IQCM: variants seen among roughly 807,000 people sequenced by gnomAD.
IQCM encodes IQ motif containing M, also known as IQ domain-containing protein M.
Under a neutral mutation model 57.6 loss-of-function variants are expected in IQCM, and 45 were observed. That is an observed-to-expected ratio of 0.78 (90% CI 0.62 to 1.00). IQCM has a LOEUF of 1.00. IQCM is among the 50% of genes least tolerant of loss of function. The pLI, the probability that IQCM is intolerant of heterozygous loss-of-function variation, is 0.00. For synonymous variants in IQCM, 148 were observed against 158.9 expected (o/e 0.93, Z 0.51); for missense variants, 468 against 511.6 (o/e 0.91, Z 0.82).
intron 5 of IQCM, among the ~76,000 whole-genome samples, chr4:149,732,394 C>T (rs1268777103): frequency 2.0e-5 from 3 of 152,164 alleles, no homozygotes; most frequent in African/African-American, 7.2e-5. Context: ...GATAAATTTT[C>T]AGGAGAAATC....
rs908637894 is a variant in IQCM, at chr4:149,515,581, G to C, written c.1228+32874C>G. 7.2e-5 allele frequency among the ~76,000 whole-genome samples: 11 copies of C among 152,184 alleles called. 1 individual carries two copies. Among genetic ancestry groups the C allele is most frequent in the Admixed American group, 7.2e-4 (11 of 15,290 alleles). On this transcript the variant is annotated intron_variant, in intron 12 of 13. Coordinates refer to ENST00000636793, the MANE Select transcript of IQCM (RefSeq NM_001363507.2). ...CACAGATGGTTCTGCACGATATGCA[G>C]GTACCACCTGAAAGTGGACAGGTGC...
intron 12 of IQCM, among the ~76,000 whole-genome samples, chr4:149,520,217 C>A (rs891715773): frequency 2.1e-5 from 3 of 143,256 alleles, no homozygotes; most frequent in Non-Finnish European, 3.0e-5. Context: ...AAGGTGGGCA[C>A]CATTTTTTTT....
chr4:149,519,495 G>A (rs569031069), intron 12 of IQCM, among the ~76,000 whole-genome samples: 313 of 151,978 alleles, frequency 2.1e-3, no homozygotes, highest in African/African-American at 7.0e-3. Context: ...GGTGGCGGGC[G>A]CCTGTAGTCC....
intron 12 of IQCM, among the ~76,000 whole-genome samples, chr4:149,506,758 G>T (rs891294643): frequency 5.3e-5 from 8 of 152,274 alleles, no homozygotes; most frequent in Non-Finnish European, 1.2e-4. Flanking sequence ...AGACAGCATA[G>T]AGGAACCAAG....
chr4:149,805,608 T>C (rs1193084484), intron 2 of IQCM, among the ~76,000 whole-genome samples: 1 of 152,076 alleles, frequency 6.6e-6, no homozygotes, highest in African/African-American at 2.4e-5. Context: ...AACAACTTTG[T>C]ATATTTTTAA....
intron 12 of IQCM, among the ~76,000 whole-genome samples, chr4:149,528,574 T>C (rs751760482): frequency 6.6e-6 from 1 of 152,146 alleles, no homozygotes; most frequent in Non-Finnish European, 1.5e-5. Context: ...AAGTGGCTCA[T>C]GGGAGAATCA....
intron 13 of IQCM, among the ~76,000 whole-genome samples, chr4:149,373,947 A>G (rs1156888554): frequency 6.6e-6 from 1 of 152,144 alleles, no homozygotes; most frequent in Non-Finnish European, 1.5e-5. Context: ...CTTTTCTTTT[A>G]GTTCTTCTTG....
intron 12 of IQCM, among the ~76,000 whole-genome samples, chr4:149,521,324 A>G (rs572544577): frequency 6.6e-6 from 1 of 152,322 alleles, no homozygotes; most frequent in Admixed American, 6.5e-5. Context: ...AAGGCAAGGT[A>G]AGCGGAAGGG....
intron 12 of IQCM, among the ~76,000 whole-genome samples, chr4:149,456,995 A>T (rs974898889): frequency 6.6e-6 from 1 of 152,074 alleles, no homozygotes; most frequent in Non-Finnish European, 1.5e-5. Context: ...CTCCTGTTGA[A>T]ACATTTTAAA....
intron 13 of IQCM, among the ~76,000 whole-genome samples, chr4:149,365,032 T>A (rs1271622842): frequency 2.0e-5 from 3 of 152,072 alleles, no homozygotes; most frequent in Non-Finnish European, 4.4e-5. Flanking sequence ...ATAAATATAT[T>A]TCCTAATTCT....
At chr4:149,646,706 A>G (rs1758665627) in intron 7 of IQCM, among the ~76,000 whole-genome samples, 1 of 152,196 alleles carries the variant, frequency 6.6e-6, no homozygotes, top group African/African-American at 2.4e-5. Context: ...TTTTTAGGCC[A>G]GGTGCAGTGG....
intron 12 of IQCM, among the ~76,000 whole-genome samples, chr4:149,488,488 T>C (rs1003968290): frequency 1.6e-4 from 25 of 152,166 alleles, no homozygotes; most frequent in African/African-American, 5.1e-4. Context: ...AATTTCTTTG[T>C]AGGTCAGAAA....
At chr4:149,366,697 C>CA (rs1479370090) in intron 13 of IQCM, among the ~76,000 whole-genome samples, 2 of 151,556 alleles carry the variant, frequency 1.3e-5, no homozygotes, top group Admixed American at 1.3e-4. Context: ...AATAAACAAA[C>CA]AGAAGAAGCT....
intron 12 of IQCM, among the ~76,000 whole-genome samples, chr4:149,494,439 T>A (rs1742436583): frequency 6.6e-6 from 1 of 152,046 alleles, no homozygotes. Flanking sequence ...CCTAATGAGA[T>A]TGTACTTTTA....
intron 12 of IQCM, among the ~76,000 whole-genome samples, chr4:149,524,965 T>A (rs1474418886): frequency 1.3e-5 from 2 of 151,692 alleles, no homozygotes; most frequent in Non-Finnish European, 3.0e-5. Flanking sequence ...ATCAAAAAAA[T>A]TGGATATTTG....
At chr4:149,693,779 T>A (rs895115168) in intron 5 of IQCM, among the ~76,000 whole-genome samples, 1 of 152,200 alleles carries the variant, frequency 6.6e-6, no homozygotes, top group Admixed American at 6.5e-5. Flanking sequence ...CATTGTGTAG[T>A]CAGTTTTCAT....
At position 149,365,358 on chromosome 4, in the gene IQCM, C is replaced by T. The variant is rs559962668; in HGVS notation, c.1391-13292G>A. On this transcript the variant is annotated intron_variant, in intron 13 of 13. Transcript: ENST00000636793. ...ATACAGTATTAGATTAGAATTCAAA[C>T]TATAAAAGAAATATACATAACTATT... is the stretch of plus-strand genomic sequence containing the variant. Among the ~76,000 whole-genome samples, 12 of 152,138 alleles carry T rather than the reference C, an allele frequency of 7.9e-5. No homozygotes were observed. The South Asian group carries it at 2.3e-3, about 29-fold the overall frequency.
intron 11 of IQCM, among the ~76,000 whole-genome samples, chr4:149,550,390 T>C (rs1161074969): frequency 6.6e-6 from 1 of 152,222 alleles, no homozygotes; most frequent in Non-Finnish European, 1.5e-5. Context: ...TGTCTCAGGA[T>C]CTGATTCTAA....
At chr4:149,593,650 A>C (rs946391623) in intron 8 of IQCM, among the ~76,000 whole-genome samples, 1 of 152,116 alleles carries the variant, frequency 6.6e-6, no homozygotes, top group Admixed American at 6.5e-5. Flanking sequence ...TAGTTTATTG[A>C]GAGTTTTTAG....
Sources: gnomAD v4.1 joint callset for allele counts (sites outside exome capture counted in the v4.1 genomes callset) on GRCh38, gnomAD v4.1.1 for gene constraint, MANE v1.5 for transcripts, NCBI Gene and HGNC (gene_info 2026-07-23, HGNC 2026-07-21) for gene names.